The following TMEM50A variants were observed in gnomAD, a reference collection of about 807,000 sequenced individuals.
The protein encoded by TMEM50A is transmembrane protein 50A, also known as cervical cancer oncogene 9.
A neutral mutation model predicts 23.9 loss-of-function variants in TMEM50A; 8 were observed. The observed-to-expected ratio is 0.33, with a 90% CI of 0.20 to 0.60. TMEM50A has a LOEUF of 0.60. Ranked by LOEUF, TMEM50A falls within the 20% of genes least tolerant of loss-of-function variation. TMEM50A has a pLI of 0.81. For missense variants in TMEM50A, 178 were observed against 192.7 expected (o/e 0.92, Z 0.45); for synonymous variants, 55 against 60.4 (o/e 0.91, Z 0.41).
chr1:25,346,103 A>T (rs957082720), intron 3 of TMEM50A, among the ~76,000 whole-genome samples: 1 of 151,936 alleles, frequency 6.6e-6, no homozygotes, highest in Non-Finnish European at 1.5e-5. Context: ...GTTTTCTTAG[A>T]ATTCTCATCT....
intron 5 of TMEM50A, 102 bp from the exon 6 acceptor site, chr1:25,356,691 A>G (rs973953292): frequency 2.3e-6 from 2 of 868,330 alleles, no homozygotes; most frequent in Non-Finnish European, 3.6e-6. Context: ...TAATTCTAAG[A>G]AAAATCAATT....
At position 25,355,545 on chromosome 1, in the gene TMEM50A, T is replaced by C. The variant is rs529648199; in HGVS notation, c.368-1248T>C. On this transcript the variant is annotated intron_variant, in intron 5 of 6. Coordinates refer to ENST00000374358, the MANE Select transcript of TMEM50A (RefSeq NM_014313.4). ...TGGAGCAAGGTTATGTTTTGAGAAT[T>C]ATTAGCAGCAGATCTGTAATTTTAT... Among the ~76,000 whole-genome samples the C allele has an allele frequency of 5.1e-4, 77 of 152,338 alleles. No individual in the cohort carries two copies. The South Asian group carries it at 0.016, about 31-fold the overall frequency.
chr1:25,343,456 GTC>G (rs1340414031), intron 3 of TMEM50A, among the ~76,000 whole-genome samples: 3 of 152,150 alleles, frequency 2.0e-5, no homozygotes, highest in Non-Finnish European at 4.4e-5. Flanking sequence ...AAAAATCCAT[GTC>G]TTTTTGTCAT....
chr1:25,351,532 C>T lies in TMEM50A; in HGVS notation c.207-94C>T, dbSNP rs1571803464. The T allele has an allele frequency of 1.2e-5, 13 of 1,048,530 alleles. No homozygotes were observed. The East Asian group carries it at 2.2e-4, about 18-fold the overall frequency. The allele number at this position is 1,048,530 out of a possible 1,614,324, so 65.0% of individuals were successfully genotyped here. The stretch of plus-strand genomic sequence containing the variant: ...TCTTTAAAAAAAAAAAAAAGACTTT[C>T]AGGCCTAACCTTACATTTGAGAAAC... On this transcript the variant is annotated intron_variant, in intron 3 of 6. Transcript: ENST00000374358.
Position 25,351,212 on chromosome 1 carries a change from T to C in TMEM50A, c.207-414T>C, listed in dbSNP as rs1358598832. The stretch of plus-strand genomic sequence containing the variant: ...TATCTGGTTGAAGAGACCAGTCATA[T>C]GAACTCTTTACTCAAGAACTGAAGG... On this transcript the variant is annotated intron_variant, in intron 3 of 6. Transcript: ENST00000374358. Among the ~76,000 whole-genome samples the C allele has an allele frequency of 4.6e-5, 7 of 150,602 alleles. No homozygotes were observed. The East Asian group carries it at 5.8e-4, about 13-fold the overall frequency.
intron 6 of TMEM50A, among the ~76,000 whole-genome samples, chr1:25,358,014 C>G (rs1645353973): frequency 6.8e-6 from 1 of 147,984 alleles, no homozygotes; most frequent in South Asian, 2.1e-4. Context: ...GTGGCGTGAT[C>G]TTGGCTCCCT....
chr1:25,358,236 C>T (rs945873284), intron 6 of TMEM50A, among the ~76,000 whole-genome samples: 54 of 152,242 alleles, frequency 3.5e-4, no homozygotes, highest in African/African-American at 1.3e-3. Flanking sequence ...CATGAGCCAC[C>T]GTGCCTGGCC....
intron 3 of TMEM50A, among the ~76,000 whole-genome samples, chr1:25,346,260 T>C (rs532703940): frequency 1.3e-5 from 2 of 152,250 alleles, no homozygotes; most frequent in South Asian, 4.1e-4. Context: ...TTTTTTTCTT[T>C]TCTTTTCTTT....
Position 25,352,906 on chromosome 1 carries a change from G to T in TMEM50A, c.299G>T (p.Gly100Val). The part of the protein sequence containing the change: ...QTGARIWLFV[G>V]FMLAFGSLIA... ...GGTGCTCGCATTTGGCTTTTCGTTG[G>T]TTTCATGTTGGCCTTTGGATCTCTG... is the stretch of plus-strand genomic sequence containing the variant. The change falls in exon 5 of 7, where the codon GGT becomes GTT. Residue 100 changes from glycine (G) to valine (V), a missense_variant. Coordinates refer to ENST00000374358, the MANE Select transcript of TMEM50A (RefSeq NM_014313.4). 6.2e-7 allele frequency: 1 copy of T among 1,613,456 alleles called. No individual in the cohort carries two copies. Among genetic ancestry groups the T allele is most frequent in the Non-Finnish European group, 8.5e-7 (1 of 1,179,840 alleles).
intron 2 of TMEM50A, among the ~76,000 whole-genome samples, chr1:25,341,001 T>C (rs28434591): frequency 0.012 from 1,887 of 152,230 alleles, 34 homozygotes; most frequent in African/African-American, 0.042. Context: ...TACACTAAGA[T>C]TGGAATAATA....
chr1:25,340,540 A>G lies in TMEM50A; in HGVS notation c.54A>G (p.Glu18=). The G allele has an allele frequency of 1.9e-6, 3 of 1,613,842 alleles. No individual in the cohort carries two copies. The highest frequency in any genetic ancestry group is 2.5e-6 in the Non-Finnish European group (3 of 1,179,942). ...GCTCAGAATGCATTGACTGGGGGGA[A>G]AAGCGCAATACTATTGCTTCCATTG... ...LRCSECIDWG[E]KRNTIASIAA... is the part of the protein sequence containing the mutation. Residue 18 remains glutamate, a synonymous_variant, in exon 2 of 7, where the codon GAA becomes GAG. Transcript: ENST00000374358.
chr1:25,353,281 G>T (rs1169177788), intron 5 of TMEM50A, among the ~76,000 whole-genome samples: 4 of 152,078 alleles, frequency 2.6e-5, no homozygotes, highest in African/African-American at 9.7e-5. Flanking sequence ...TAGCTAGTTA[G>T]CAAGCTTTGT....
rs1466780279 is a variant in TMEM50A at position 25,340,478 on chromosome 1, C to G, written c.-9C>G. The G allele has an allele frequency of 6.2e-7, 1 of 1,608,946 alleles. No individual in the cohort carries two copies. The highest frequency in any genetic ancestry group is 1.3e-5 in the African/African-American group (1 of 74,744). On this transcript the variant is annotated 5_prime_UTR_variant, in exon 2 of 7. Coordinates refer to ENST00000374358, the MANE Select transcript of TMEM50A (RefSeq NM_014313.4). ...GTTTGTTTGTTTGTTTTTAAGTGAC[C>G]TGAAAAAAATGTCTGGATTTCTAGA...
chr1:25,350,024 GTATGCTATGAAGAGT>G (rs1246067819), intron 3 of TMEM50A, among the ~76,000 whole-genome samples: 1 of 152,170 alleles, frequency 6.6e-6, no homozygotes, highest in Non-Finnish European at 1.5e-5. Flanking sequence ...ATTTAGAGTG[GTATGCTATGAAGAGT>G]TAGTAAAACA....
intron 3 of TMEM50A, among the ~76,000 whole-genome samples, chr1:25,344,686 A>C (rs867238590): frequency 6.7e-6 from 1 of 149,758 alleles, no homozygotes; most frequent in African/African-American, 2.5e-5. Context: ...GACCTTTCCT[A>C]GAGTTTCTGA....
intron 3 of TMEM50A, among the ~76,000 whole-genome samples, chr1:25,350,030 T>A (rs1254215881): frequency 6.6e-6 from 1 of 152,228 alleles, no homozygotes; most frequent in Non-Finnish European, 1.5e-5. Context: ...AGTGGTATGC[T>A]ATGAAGAGTT....
At chr1:25,359,161 T>C (rs1430554511) in intron 6 of TMEM50A, among the ~76,000 whole-genome samples, 1 of 152,204 alleles carries the variant, frequency 6.6e-6, no homozygotes, top group Non-Finnish European at 1.5e-5. Flanking sequence ...CCATAGAGCA[T>C]GCAGGCAGGC....
At position 25,360,920 on chromosome 1, in the gene TMEM50A, A is replaced by G. The variant is rs1432354350; in HGVS notation, c.*215A>G. 1.5e-5 allele frequency: 6 copies of G among 403,678 alleles called. No homozygotes were observed. The highest frequency in any genetic ancestry group is 4.1e-5 in the African/African-American group (2 of 48,950). 25.0% of individuals were successfully genotyped at this position (403,678 alleles called of 1,614,324 possible). ...ATTAACTTATAAAATGTTAGAGGAA[A>G]CTTTCACATGAATAATTTTTGTCAA... On this transcript the variant is annotated 3_prime_UTR_variant, in exon 7 of 7. Transcript: ENST00000374358.
At chr1:25,339,673 C>G (rs1645146848) in intron 1 of TMEM50A, among the ~76,000 whole-genome samples, 2 of 152,158 alleles carry the variant, frequency 1.3e-5, no homozygotes, top group African/African-American at 4.8e-5. Context: ...ACTTGTCTCT[C>G]TACTAATGTT....
Sources: allele counts gnomAD v4.1 joint callset (sites outside exome capture counted in the v4.1 genomes callset), GRCh38; gene constraint gnomAD v4.1.1; transcripts MANE v1.5; gene names NCBI Gene and HGNC (gene_info 2026-07-23, HGNC 2026-07-21).